The following EDC3 variants were observed in gnomAD, a reference collection of about 807,000 sequenced individuals.
The protein encoded by EDC3 is enhancer of mRNA-decapping protein 3.
In EDC3, 20 loss-of-function variants were observed where a neutral mutation model predicts 41.8. The ratio of observed to expected loss-of-function variants is 0.48; its 90% CI spans 0.34 to 0.70. The LOEUF (loss-of-function observed/expected upper bound fraction) is 0.70. EDC3 is among the 30% of genes least tolerant of loss of function. The pLI is 0.01. For missense variants in EDC3, 444 were observed against 636.8 expected (o/e 0.70, Z 3.26); for synonymous variants, 206 against 243.2 (o/e 0.85, Z 1.42).
chr15:74,674,365 T>A (rs1418608809), intron 2 of EDC3, among the ~76,000 whole-genome samples: 1 of 152,166 alleles, frequency 6.6e-6, no homozygotes, highest in East Asian at 1.9e-4. Context: ...TGCCTTGGCC[T>A]CCCAAAGTGC....
chr15:74,671,429 A>G lies in EDC3; in HGVS notation c.484+26T>C. On this transcript the variant is annotated intron_variant, in intron 3 of 6. Transcript: ENST00000315127. This position sits in a 1 kb window ranked among gnomAD's most constrained non-coding sequence, Gnocchi z 4.6. Reference sequence around the variant, plus strand: ...ATAGCCCTGAAACACCAGATTGAGAAGAAATATCAACTTGACCCTACTTAC... The same window carrying G: ...ATAGCCCTGAAACACCAGATTGAGAGGAAATATCAACTTGACCCTACTTAC... The G allele has an allele frequency of 6.3e-7, 1 of 1,594,028 alleles. No individual in the cohort carries two copies. Among genetic ancestry groups the G allele is most frequent in the Non-Finnish European group, 8.6e-7 (1 of 1,166,364 alleles).
chr15:74,685,269 T>C (rs918941346), intron 1 of EDC3, among the ~76,000 whole-genome samples: 1 of 152,030 alleles, frequency 6.6e-6, no homozygotes, highest in Non-Finnish European at 1.5e-5. Flanking sequence ...TGGTGGCACA[T>C]GCCTGTAATA....
intron 1 of EDC3, among the ~76,000 whole-genome samples, chr15:74,676,179 G>A (rs775770431): frequency 1.3e-5 from 2 of 152,038 alleles, no homozygotes; most frequent in African/African-American, 4.8e-5. Context: ...AATCAAAAGG[G>A]CAGTCAGAAA....
intron 1 of EDC3, among the ~76,000 whole-genome samples, chr15:74,689,233 T>A (rs1056512117): frequency 3.9e-5 from 6 of 152,220 alleles, no homozygotes; most frequent in Non-Finnish European, 5.9e-5. Flanking sequence ...TATTACCATC[T>A]ACATTTATAC....
intron 1 of EDC3, among the ~76,000 whole-genome samples, chr15:74,680,896 G>T (rs2062863326): frequency 6.6e-6 from 1 of 151,620 alleles, no homozygotes; most frequent in Non-Finnish European, 1.5e-5. Flanking sequence ...AAAAAATAAA[G>T]TACTAGGTGT....
chr15:74,676,920 C>G (rs1452427798), intron 1 of EDC3: 1 of 152,152 alleles, frequency 6.6e-6, no homozygotes, highest in Non-Finnish European at 1.5e-5. Flanking sequence ...ATTAAAACAA[C>G]AATAAGATGC....
rs1186442549 is a variant in EDC3 at position 74,695,973 on chromosome 15, C to A, written c.-112G>T. On this transcript the variant is annotated 5_prime_UTR_variant, in exon 1 of 7. Transcript: ENST00000315127. ...CACAGAAGAATTCTCTCCACGCCCA[C>A]CCCCACAGCATCGGCCTTCACCACC... 1 of 152,708 alleles carries A rather than the reference C, an allele frequency of 6.5e-6. No homozygotes were observed. The highest frequency in any genetic ancestry group is 2.4e-5 in the African/African-American group (1 of 41,466). The allele number at this position is 152,708 out of a possible 1,614,324, so 9.5% of individuals were successfully genotyped here. A position where few individuals can be genotyped will look rare whatever the true frequency, so the allele number is the denominator to read the frequency against.
Position 74,671,032 on chromosome 15 carries a change from T to G in EDC3, c.484+423A>C, listed in dbSNP as rs1372233541. Reference sequence around the variant, plus strand: ...AACATCAGTAACAGGATTTAAGTTTTTTTTTTTTTCTTTTTCAGAAACAGA... The same window carrying G: ...AACATCAGTAACAGGATTTAAGTTTGTTTTTTTTTCTTTTTCAGAAACAGA... On this transcript the variant is annotated intron_variant, in intron 3 of 6. Coordinates refer to ENST00000315127, the MANE Select transcript of EDC3 (RefSeq NM_025083.5). The surrounding 1 kb of genome is among the most constrained non-coding windows in gnomAD (Gnocchi z 4.6). 6.6e-6 allele frequency among the ~76,000 whole-genome samples: 1 copy of G among 152,090 alleles called. No homozygotes were observed. The highest frequency in any genetic ancestry group is 6.5e-5 in the Admixed American group (1 of 15,276).
chr15:74,665,678 T>C (rs958182382), intron 3 of EDC3, among the ~76,000 whole-genome samples: 1 of 152,194 alleles, frequency 6.6e-6, no homozygotes, highest in African/African-American at 2.4e-5. Flanking sequence ...CTGCTTGTGC[T>C]AAATCATCAG....
rs117662376 is a variant in EDC3 at position 74,648,144 on chromosome 15, C to G, written c.821-7525G>C. Among the ~76,000 whole-genome samples the G allele has an allele frequency of 1.0e-3, 156 of 152,342 alleles. No homozygotes were observed. The Middle Eastern group carries it at 0.017, about 17-fold the overall frequency. Reference sequence around the variant, plus strand: ...ACAACAGCTGCCAAAGGAGACCTCACTACCTCCAGGTAAAATTCTTCAGTG... The same window carrying G: ...ACAACAGCTGCCAAAGGAGACCTCAGTACCTCCAGGTAAAATTCTTCAGTG... On this transcript the variant is annotated intron_variant, in intron 4 of 6. Transcript: ENST00000315127.
intron 1 of EDC3, 22 bp from the exon 2 acceptor site, chr15:74,675,164 C>A: frequency 6.2e-7 from 1 of 1,604,264 alleles, no homozygotes; most frequent in South Asian, 1.1e-5. Flanking sequence ...AGGAACTATT[C>A]AGTGTGCCTT....
chr15:74,685,416 T>TATAG (rs150352914), intron 1 of EDC3, among the ~76,000 whole-genome samples: 6,528 of 151,344 alleles, frequency 0.043, 272 homozygotes, highest in South Asian at 0.19. Context: ...ACAAAAAGTA[T>TATAG]ATAGATAGAT....
At chr15:74,687,089 A>G (rs906282929) in intron 1 of EDC3, 4 of 152,308 alleles carry the variant, frequency 2.6e-5, no homozygotes, top group Non-Finnish European at 4.4e-5. Flanking sequence ...GCAGTGGCTC[A>G]CAGTTGTAAT....
At chr15:74,670,282 G>T (rs1052731324) in intron 3 of EDC3, among the ~76,000 whole-genome samples, 1 of 152,080 alleles carries the variant, frequency 6.6e-6, no homozygotes, top group Non-Finnish European at 1.5e-5. Context: ...AATTTAAGGA[G>T]CATAACAGAT....
chr15:74,665,453 T>C (rs556105377), intron 3 of EDC3, among the ~76,000 whole-genome samples: 67 of 152,344 alleles, frequency 4.4e-4, no homozygotes, highest in Non-Finnish European at 7.6e-4. Context: ...ATGCCTTTCA[T>C]CTGCCCCTCA....
chr15:74,672,524 G>A (rs2141652146), intron 2 of EDC3, among the ~76,000 whole-genome samples: 2 of 152,026 alleles, frequency 1.3e-5, no homozygotes, highest in South Asian at 4.2e-4. Flanking sequence ...TCAATCAAAA[G>A]TGTTAAATGG....
intron 1 of EDC3, chr15:74,692,885 C>A (rs2063023491): frequency 6.6e-6 from 1 of 152,202 alleles, no homozygotes; most frequent in East Asian, 1.9e-4. Context: ...TAAATACTTA[C>A]ACTATGTAAA....
chr15:74,678,891 GAA>G lies in EDC3; in HGVS notation c.-18-3751_-18-3750del, dbSNP rs35560581. On this transcript the variant is annotated intron_variant, in intron 1 of 6. Coordinates refer to ENST00000315127, the MANE Select transcript of EDC3 (RefSeq NM_025083.5). ...GGCGACAGAGCGAGACTCCGTCTCA[GAA>G]AAAAAAAAAAAAAAAGGCTGGGCAC... 2.2e-3 allele frequency among the ~76,000 whole-genome samples: 246 copies of G among 109,870 alleles called. 2 individuals carry two copies. The highest frequency in any genetic ancestry group is 4.0e-3 in the South Asian group (14 of 3,512). 72.1% of individuals were successfully genotyped at this position (109,870 alleles called of 152,430 possible).
At chr15:74,656,846 G>A (rs1248030172) in intron 3 of EDC3, among the ~76,000 whole-genome samples, 2 of 152,162 alleles carry the variant, frequency 1.3e-5, no homozygotes, top group Non-Finnish European at 2.9e-5. Context: ...CTGGATGTTG[G>A]AGACTATGGC....
Sources: gnomAD v4.1 joint callset for allele counts (sites outside exome capture counted in the v4.1 genomes callset) on GRCh38, gnomAD v4.1.1 for gene constraint, Gnocchi (gnomAD v3.1) non-coding constraint, MANE v1.5 for transcripts, NCBI Gene and HGNC (gene_info 2026-07-23, HGNC 2026-07-21) for gene names.